ZC3H12B: variants seen among roughly 807,000 people sequenced by gnomAD.
The protein encoded by ZC3H12B is zinc finger CCCH-type containing 12B.
In ZC3H12B, 7 loss-of-function variants were observed where a neutral mutation model predicts 43.9. The ratio of observed to expected loss-of-function variants is 0.16; its 90% CI spans 0.09 to 0.30. The LOEUF is 0.30. Among genes scored for constraint, ZC3H12B ranks in the 10% least tolerant of loss-of-function variants. The probability of loss-of-function intolerance (pLI) is 1.00; values close to 1 mark genes in which losing one functional copy is unlikely to be tolerated. For missense variants in ZC3H12B, 475 were observed against 670.2 expected (o/e 0.71, Z 3.22); for synonymous variants, 222 against 241.7 (o/e 0.92, Z 0.76).
the ZC3H12B span, among the ~76,000 whole-genome samples, chrX:65,052,119 T>G: frequency 9.0e-6 from 1 of 111,479 alleles, no homozygotes; most frequent in Non-Finnish European, 1.9e-5. Flanking sequence ...TGTTTAATTA[T>G]GTCTATTGTT....
At chrX:65,091,027 A>G in the ZC3H12B span, among the ~76,000 whole-genome samples, 1 of 111,210 alleles carries the variant, frequency 9.0e-6, no homozygotes, top group Non-Finnish European at 1.9e-5. Context: ...CCAGAATCAC[A>G]TGCCTCTCTG....
At chrX:65,392,349 G>T (rs775918258) in intron 2 of ZC3H12B, among the ~76,000 whole-genome samples, 3 of 111,357 alleles carry the variant, frequency 2.7e-5, no homozygotes, top group South Asian at 7.7e-4. Flanking sequence ...CCCATCTTCT[G>T]GGATGTGGGG....
the ZC3H12B span, among the ~76,000 whole-genome samples, chrX:65,319,318 A>G: frequency 2.6e-4 from 29 of 111,931 alleles, no homozygotes; most frequent in Non-Finnish European, 4.5e-4. Context: ...CCAACTAGAA[A>G]ACCTGGAAGA....
At chrX:65,232,828 A>G in the ZC3H12B span, among the ~76,000 whole-genome samples, 2 of 111,475 alleles carry the variant, frequency 1.8e-5, no homozygotes, top group African/African-American at 6.5e-5. Flanking sequence ...AAAAGACTCG[A>G]CTATATGCTG....
chrX:65,067,572 C>T, the ZC3H12B span, among the ~76,000 whole-genome samples: 1 of 110,471 alleles, frequency 9.1e-6, no homozygotes, highest in East Asian at 2.9e-4. Context: ...CTGCAGACTG[C>T]AGCTGTTCCT....
At chrX:65,170,453 G>A in the ZC3H12B span, among the ~76,000 whole-genome samples, 2 of 111,504 alleles carry the variant, frequency 1.8e-5, no homozygotes, top group Non-Finnish European at 3.8e-5. Context: ...CTTTCTCTCT[G>A]GCTGCCCTTA....
intron 3 of ZC3H12B, among the ~76,000 whole-genome samples, chrX:65,450,296 T>C (rs867547769): frequency 7.7e-5 from 7 of 91,108 alleles, no homozygotes; most frequent in Non-Finnish European, 1.5e-4. Context: ...AGAGCAAGAC[T>C]TCATCTCAAA....
Position 65,489,419 on chromosome X carries a change from G to A in ZC3H12B, c.608+10G>A. ...GTAATGTGGCAATGAGGTAAGCCTG[G>A]TATGTTTTTTTCTCCCATTTTAAAA... On this transcript the variant is annotated intron_variant, in intron 1 of 4. Transcript: ENST00000338957. The A allele has an allele frequency of 8.6e-7, 1 of 1,164,608 alleles. No individual in the cohort carries two copies. The highest frequency in any genetic ancestry group is 1.1e-6 in the Non-Finnish European group (1 of 874,937).
chrX:65,345,017 G>C, the ZC3H12B span, among the ~76,000 whole-genome samples: 2 of 112,044 alleles, frequency 1.8e-5, no homozygotes, highest in African/African-American at 6.5e-5. Context: ...TCTCACACCA[G>C]TCAAAATGGC....
chrX:65,228,548 A>G, the ZC3H12B span, among the ~76,000 whole-genome samples: 28 of 110,964 alleles, frequency 2.5e-4, 1 homozygote, highest in Non-Finnish European at 4.3e-4. Flanking sequence ...ATTAGGCAGG[A>G]GAAGGAAATA....
the ZC3H12B span, among the ~76,000 whole-genome samples, chrX:65,043,770 A>G: frequency 1.8e-5 from 2 of 112,182 alleles, no homozygotes; most frequent in South Asian, 3.6e-4. Context: ...TAAAATCTTA[A>G]AAGACATAAG....
At chrX:65,424,433 G>A (rs2067056416) in intron 3 of ZC3H12B, among the ~76,000 whole-genome samples, 1 of 112,013 alleles carries the variant, frequency 8.9e-6, no homozygotes, top group Non-Finnish European at 1.9e-5. Context: ...TCACTTTGGT[G>A]ATAGCTTCTT....
At chrX:65,337,384 T>C in the ZC3H12B span, among the ~76,000 whole-genome samples, 2 of 112,172 alleles carry the variant, frequency 1.8e-5, no homozygotes, top group Non-Finnish European at 3.8e-5. Context: ...ATTAAGAAAG[T>C]AAAGGAATAA....
At chrX:65,355,526 G>A in the ZC3H12B span, among the ~76,000 whole-genome samples, 6 of 110,304 alleles carry the variant, frequency 5.4e-5, no homozygotes, top group East Asian at 2.8e-4. Context: ...AGGAATTCTG[G>A]GACACTTCCC....
At chrX:65,198,283 C>T in the ZC3H12B span, among the ~76,000 whole-genome samples, 8 of 112,130 alleles carry the variant, frequency 7.1e-5, no homozygotes, top group African/African-American at 2.6e-4. Context: ...ATTATATTTA[C>T]AGTTTTATAG....
the ZC3H12B span, among the ~76,000 whole-genome samples, chrX:65,088,271 A>C: frequency 8.9e-6 from 1 of 111,746 alleles, no homozygotes; most frequent in Non-Finnish European, 1.9e-5. Context: ...TTTGGGTGGT[A>C]GTAAAAGAGT....
At chrX:65,301,187 C>T in the ZC3H12B span, among the ~76,000 whole-genome samples, 2 of 110,435 alleles carry the variant, frequency 1.8e-5, no homozygotes, top group East Asian at 2.8e-4. Context: ...AAAAAAAATA[C>T]ATGTTGGTGT....
At chrX:65,348,136 C>T in the ZC3H12B span, among the ~76,000 whole-genome samples, 2 of 111,394 alleles carry the variant, frequency 1.8e-5, no homozygotes, top group Admixed American at 9.5e-5. Context: ...ATGTAAATGA[C>T]GAGTCAATGG....
chrX:65,429,121 C>T (rs892000868), intron 3 of ZC3H12B, among the ~76,000 whole-genome samples: 4 of 112,403 alleles, frequency 3.6e-5, no homozygotes, highest in African/African-American at 6.5e-5. Context: ...CAGCCTGCTC[C>T]TTCCTCTGGA....
Sources: gnomAD v4.1 joint callset for allele counts (sites outside exome capture counted in the v4.1 genomes callset) on GRCh38, gnomAD v4.1.1 for gene constraint, MANE v1.5 for transcripts, NCBI Gene and HGNC (gene_info 2026-07-23, HGNC 2026-07-21) for gene names.